The following PDE3A variants were observed in gnomAD, a reference collection of about 807,000 sequenced individuals.
PDE3A encodes the protein cGMP-inhibited 3',5'-cyclic phosphodiesterase 3A.
PDE3A carries 43 observed loss-of-function variants against 98.3 expected under a neutral mutation model. That is an observed-to-expected ratio of 0.44 (90% CI 0.34 to 0.56). The LOEUF is 0.56. Among genes scored for constraint, PDE3A ranks in the 20% least tolerant of loss-of-function variants. The pLI, the probability that PDE3A is intolerant of heterozygous loss-of-function variation, is 0.01. For synonymous variants in PDE3A, 663 were observed against 567.9 expected (o/e 1.17, Z -2.38); for missense variants, 1,427 against 1,440.7 (o/e 0.99, Z 0.15).
chr12:20,428,373 G>A (rs1363641041), intron 1 of PDE3A, among the ~76,000 whole-genome samples: 12 of 152,086 alleles, frequency 7.9e-5, no homozygotes, highest in East Asian at 3.9e-4. Context: ...TCCACCTCCC[G>A]GGTTCAGGCT....
chr12:20,431,547 G>A (rs1826805860), intron 1 of PDE3A, among the ~76,000 whole-genome samples: 1 of 151,888 alleles, frequency 6.6e-6, no homozygotes, highest in Non-Finnish European at 1.5e-5. Flanking sequence ...AAAGAATTAA[G>A]TGTTAGGAAA....
At chr12:20,382,872 C>A (rs1375763857) in intron 1 of PDE3A, among the ~76,000 whole-genome samples, 1 of 151,952 alleles carries the variant, frequency 6.6e-6, no homozygotes, top group African/African-American at 2.4e-5. Flanking sequence ...TTTCAGAAAG[C>A]ACTATGTAAA....
chr12:20,423,251 T>C (rs1944549115), intron 1 of PDE3A, among the ~76,000 whole-genome samples: 1 of 152,180 alleles, frequency 6.6e-6, no homozygotes, highest in Non-Finnish European at 1.5e-5. Context: ...AAAGTTACAA[T>C]AAATAATGGC....
At chr12:20,632,711 T>C (rs1592131588) in intron 6 of PDE3A, among the ~76,000 whole-genome samples, 1 of 152,088 alleles carries the variant, frequency 6.6e-6, no homozygotes, top group African/African-American at 2.4e-5. Context: ...ATCTAGGGCC[T>C]GTTTCTCTCA....
intron 1 of PDE3A, among the ~76,000 whole-genome samples, chr12:20,518,550 T>C (rs1456148732): frequency 9.7e-6 from 1 of 102,850 alleles, no homozygotes; most frequent in Non-Finnish European, 2.0e-5. Context: ...TAAAATTATG[T>C]AAACTATTCT....
intron 2 of PDE3A, among the ~76,000 whole-genome samples, chr12:20,579,491 G>T (rs766464626): frequency 4.6e-5 from 7 of 152,008 alleles, no homozygotes; most frequent in Non-Finnish European, 1.0e-4. Flanking sequence ...ACCAATAAAT[G>T]ATACTTACAT....
intron 2 of PDE3A, among the ~76,000 whole-genome samples, chr12:20,579,398 CTT>C (rs71039956): frequency 7.5e-4 from 114 of 151,066 alleles, no homozygotes; most frequent in Admixed American, 2.4e-3. Flanking sequence ...TTTCTGTTCC[CTT>C]TTTTTTTTAT....
intron 1 of PDE3A, among the ~76,000 whole-genome samples, chr12:20,513,957 G>T (rs897098997): frequency 6.6e-6 from 1 of 152,138 alleles, no homozygotes; most frequent in African/African-American, 2.4e-5. Context: ...CACACATCTG[G>T]AACTAAGAAA....
chr12:20,465,204 A>G (rs920118471), intron 1 of PDE3A, among the ~76,000 whole-genome samples: 2 of 152,082 alleles, frequency 1.3e-5, no homozygotes, highest in Non-Finnish European at 2.9e-5. Flanking sequence ...CTTCTCTTTA[A>G]TAGCATGTCA....
chr12:20,449,732 G>A (rs1945029142), intron 1 of PDE3A: 1 of 476,254 alleles, frequency 2.1e-6, no homozygotes, highest in Non-Finnish European at 3.8e-6. Flanking sequence ...AGCTAGGTCA[G>A]CCTGAAGTGG....
Position 20,646,426 on chromosome 12 carries a change from G to A in PDE3A, c.2252-64G>A, listed in dbSNP as rs1257606450. On this transcript the variant is annotated intron_variant, in intron 10 of 15. Transcript: ENST00000359062. The stretch of plus-strand genomic sequence containing the variant: ...GACTAAACTGTTTGTCCAGTAGATG[G>A]CACTCTTAGTTCTTGGACCCCAAAG... 1.0e-5 allele frequency: 9 copies of A among 875,374 alleles called. No homozygotes were observed. In the East Asian group the frequency reaches 1.7e-4, roughly 16 times the overall value. The allele number at this position is 875,374 out of a possible 1,614,324, so 54.2% of individuals were successfully genotyped here. A position where few individuals can be genotyped will look rare whatever the true frequency, so the allele number is the denominator to read the frequency against.
chr12:20,369,494 G>C lies in PDE3A; in HGVS notation c.210G>C (p.Leu70=), dbSNP rs777756865. Residue 70 remains leucine, a synonymous_variant, in exon 1 of 16, where the codon CTG becomes CTC. Coordinates refer to ENST00000359062, the MANE Select transcript of PDE3A (RefSeq NM_000921.5). The part of the protein sequence containing the change: ...KLSSALCAGS[L]SFLLALLVRL... ...CCTCCGCGCTGTGCGCGGGCTCCCT[G>C]TCCTTTCTGCTGGCGCTGCTGGTGA... 1.3e-6 allele frequency: 2 copies of C among 1,558,774 alleles called. No homozygotes were observed. The highest frequency in any genetic ancestry group is 2.4e-5 in the East Asian group (1 of 41,688).
At chr12:20,568,195 C>G (rs12829557) in intron 2 of PDE3A, among the ~76,000 whole-genome samples, 60,323 of 151,604 alleles carry the variant, frequency 0.4, 12,473 homozygotes, top group Admixed American at 0.47. Context: ...GTTATTTCTT[C>G]TTGACAAATT....
intron 15 of PDE3A, among the ~76,000 whole-genome samples, chr12:20,662,723 C>G (rs188752367): frequency 2.1e-3 from 324 of 152,266 alleles, no homozygotes; most frequent in African/African-American, 7.2e-3. Flanking sequence ...GGAATTGGAA[C>G]TTATCTTTAA....
At chr12:20,566,342 G>A (rs753070921) in intron 2 of PDE3A, among the ~76,000 whole-genome samples, 14 of 151,934 alleles carry the variant, frequency 9.2e-5, no homozygotes, top group South Asian at 2.1e-4. Context: ...TAGTTTGCTC[G>A]CTGAGTTCTG....
intron 1 of PDE3A, 54 bp downstream of exon 1, chr12:20,370,298 C>G (rs1259186984): frequency 6.8e-7 from 1 of 1,467,468 alleles, no homozygotes; most frequent in Non-Finnish European, 9.0e-7. Context: ...CACTTGGCAA[C>G]CGGCGCAGAG....
chr12:20,484,423 C>T (rs980510061), intron 1 of PDE3A, among the ~76,000 whole-genome samples: 2 of 152,092 alleles, frequency 1.3e-5, no homozygotes, highest in African/African-American at 4.8e-5. Flanking sequence ...CCCAAATCAA[C>T]GTATCTCTCT....
chr12:20,519,035 T>C (rs553403929), intron 1 of PDE3A, among the ~76,000 whole-genome samples: 1 of 134,414 alleles, frequency 7.4e-6, no homozygotes, highest in East Asian at 1.9e-4. Context: ...AAAATGGTTT[T>C]CATAACTTTA....
At chr12:20,446,174 T>G (rs952212240) in intron 1 of PDE3A, among the ~76,000 whole-genome samples, 2 of 152,192 alleles carry the variant, frequency 1.3e-5, no homozygotes, top group Non-Finnish European at 2.9e-5. Context: ...TTGTGAGAAT[T>G]TGAAGAGCCT....
Sources: gnomAD v4.1 joint callset for allele counts (sites outside exome capture counted in the v4.1 genomes callset) on GRCh38, gnomAD v4.1.1 for gene constraint, MANE v1.5 for transcripts, NCBI Gene and HGNC (gene_info 2026-07-23, HGNC 2026-07-21) for gene names.